DPY19L4: variants seen among roughly 807,000 people sequenced by gnomAD.
DPY19L4 encodes the protein dpy-19 like 4.
A neutral mutation model predicts 102.8 loss-of-function variants in DPY19L4; 97 were observed. That is an observed-to-expected ratio of 0.94 (90% CI 0.80 to 1.12). The LOEUF is 1.12. Among genes scored for constraint, DPY19L4 ranks in the 50% most tolerant of loss-of-function variants. The pLI, the probability that DPY19L4 is intolerant of heterozygous loss-of-function variation, is 0.00. For synonymous variants in DPY19L4, 252 were observed against 283.1 expected (o/e 0.89, Z 1.10); for missense variants, 815 against 850.4 (o/e 0.96, Z 0.52).
intron 3 of DPY19L4, among the ~76,000 whole-genome samples, chr8:94,735,224 C>A (rs947199375): frequency 5.9e-5 from 9 of 152,204 alleles, no homozygotes; most frequent in African/African-American, 2.2e-4. Context: ...TCCACAGATT[C>A]TTCAGTCACT....
At chr8:94,744,374 T>C (rs1811579411) in intron 6 of DPY19L4, 1 of 456,584 alleles carries the variant, frequency 2.2e-6, no homozygotes, top group Admixed American at 2.3e-5. Flanking sequence ...TGGTCTCCCT[T>C]ACAGTGAATG....
chr8:94,724,040 T>A (rs537734579), intron 1 of DPY19L4, among the ~76,000 whole-genome samples: 1 of 152,316 alleles, frequency 6.6e-6, no homozygotes, highest in East Asian at 1.9e-4. Flanking sequence ...TAAAGTCCTG[T>A]AAAGCGATTT....
intron 6 of DPY19L4, among the ~76,000 whole-genome samples, chr8:94,752,447 A>G (rs112893502): frequency 0.14 from 21,022 of 150,964 alleles, 1,575 homozygotes; most frequent in Non-Finnish European, 0.17. Context: ...TTATCCGGAC[A>G]TGGTGGCACG....
At position 94,761,748 on chromosome 8, in the gene DPY19L4, A is replaced by G; in HGVS notation, c.784A>G (p.Met262Val). ...MSASTYTFMM[M>V]WEYSHYLLFL... is the part of the protein sequence containing the mutation. The stretch of plus-strand genomic sequence containing the variant: ...TGCTTCAACTTACACATTTATGATG[A>G]TGTGGGAGTATAGCCACTATCTCCT... The change falls in exon 8 of 19, where the codon ATG (methionine) becomes GTG (valine). Residue 262 changes from methionine (M) to valine (V), a missense_variant. Physicochemically the swap from Met to Val is conservative, Grantham distance 21 (BLOSUM62 1). Transcript: ENST00000414645. 6.2e-7 allele frequency: 1 copy of G among 1,611,692 alleles called. No homozygotes were observed. The highest frequency in any genetic ancestry group is 1.1e-5 in the South Asian group (1 of 90,420).
chr8:94,763,299 A>AT (rs1260215439), intron 8 of DPY19L4, among the ~76,000 whole-genome samples: 27 of 89,086 alleles, frequency 3.0e-4, no homozygotes, highest in Non-Finnish European at 4.5e-4. Flanking sequence ...CTATTGACTG[A>AT]TTTTTTTTCT....
intron 7 of DPY19L4, 55 bp downstream of exon 7, chr8:94,756,214 TG>T (rs2130862872): frequency 6.3e-7 from 1 of 1,582,158 alleles, no homozygotes; most frequent in South Asian, 1.2e-5. Context: ...ATTGCAAATG[TG>T]GCACATAATA....
At chr8:94,722,420 A>G (rs995949971) in intron 1 of DPY19L4, among the ~76,000 whole-genome samples, 3 of 152,208 alleles carry the variant, frequency 2.0e-5, no homozygotes, top group African/African-American at 7.2e-5. Context: ...AATAAAATAA[A>G]TAAAATGATA....
intron 17 of DPY19L4, among the ~76,000 whole-genome samples, chr8:94,784,772 G>A (rs1813585645): frequency 1.3e-5 from 2 of 152,090 alleles, no homozygotes; most frequent in South Asian, 2.1e-4. Context: ...TAATGTCTTG[G>A]TACTACATTT....
intron 6 of DPY19L4, among the ~76,000 whole-genome samples, chr8:94,741,956 C>T (rs779631416): frequency 1.4e-4 from 22 of 152,174 alleles, no homozygotes; most frequent in Non-Finnish European, 2.2e-4. Context: ...CAGAAAGTGC[C>T]TGTTACAGGA....
In DPY19L4 at chr8:94,765,229, A is replaced by G; in HGVS notation, c.917A>G (p.Tyr306Cys). 6.2e-7 allele frequency: 1 copy of G among 1,603,198 alleles called. No individual in the cohort carries two copies. Among genetic ancestry groups the G allele is most frequent in the South Asian group, 1.1e-5 (1 of 88,510 alleles). Residue 306 changes from tyrosine (Y) to cysteine (C), a missense_variant, in exon 9 of 19, where the codon TAT becomes TGT. Transcript: ENST00000414645. Reference protein sequence around the residue: ...KIYIFSLFLGYLLQFENPALL... With the variant: ...KIYIFSLFLGCLLQFENPALL... ...TACATATTTTCCCTCTTTCTGGGAT[A>G]TTTACTACAGTTTGAGAATCCAGCT... is the stretch of plus-strand genomic sequence containing the variant.
intron 13 of DPY19L4, among the ~76,000 whole-genome samples, chr8:94,771,240 A>G (rs1341664270): frequency 6.6e-6 from 1 of 152,228 alleles, no homozygotes; most frequent in East Asian, 1.9e-4. Flanking sequence ...AATGGTAATA[A>G]GTAGATACAT....
At chr8:94,775,317 A>G (rs894531051) in intron 13 of DPY19L4, among the ~76,000 whole-genome samples, 2 of 151,942 alleles carry the variant, frequency 1.3e-5, no homozygotes, top group African/African-American at 2.4e-5. Context: ...GATTACAGGC[A>G]TGTGCCACCA....
At chr8:94,730,517 G>A (rs548295114) in intron 2 of DPY19L4, among the ~76,000 whole-genome samples, 3 of 151,482 alleles carry the variant, frequency 2.0e-5, no homozygotes, top group Admixed American at 2.0e-4. Context: ...AGGCTGAGGT[G>A]GGGGGATCAC....
At chr8:94,762,589 A>G (rs938475952) in intron 8 of DPY19L4, among the ~76,000 whole-genome samples, 1 of 152,134 alleles carries the variant, frequency 6.6e-6, no homozygotes, top group African/African-American at 2.4e-5. Context: ...CATCTGTAGA[A>G]CCAGAGCCCA....
At chr8:94,783,923 A>G in intron 17 of DPY19L4, 121 bp downstream of exon 17, 1 of 1,111,828 alleles carries the variant, frequency 9.0e-7, no homozygotes, top group Non-Finnish European at 1.2e-6. Context: ...AGAAGAGTTA[A>G]TTAACTTCCA....
chr8:94,740,492 T>C (rs529748130), intron 6 of DPY19L4, among the ~76,000 whole-genome samples: 2 of 152,322 alleles, frequency 1.3e-5, no homozygotes, highest in South Asian at 4.1e-4. Flanking sequence ...TCTTGCCCTG[T>C]CACCTAGGCT....
At chr8:94,764,689 G>GTGTGTGTGTATATATATATA (rs1415377058) in intron 8 of DPY19L4, among the ~76,000 whole-genome samples, 1 of 43,212 alleles carries the variant, frequency 2.3e-5, no homozygotes, top group African/African-American at 1.1e-4. Flanking sequence ...GTCTGTGTGT[G>GTGTGTGTGTATATATATATA]TATATATATA....
chr8:94,756,245 A>G, intron 7 of DPY19L4, 86 bp downstream of exon 7: 2 of 1,526,934 alleles, frequency 1.3e-6, no homozygotes, highest in Non-Finnish European at 1.8e-6. Flanking sequence ...TTTTAGTCCT[A>G]GTAAGAATTA....
At position 94,764,712 on chromosome 8, in the gene DPY19L4, T is replaced by C. The variant is rs1207252124; in HGVS notation, c.871-471T>C. Among the ~76,000 whole-genome samples, 2 of 76,236 alleles carry C rather than the reference T, an allele frequency of 2.6e-5. 1 individual carries two copies. Among genetic ancestry groups the C allele is most frequent in the Admixed American group, 2.8e-4 (2 of 7,160 alleles). 50.0% of individuals were successfully genotyped at this position (76,236 alleles called of 152,430 possible). A position where few individuals can be genotyped will look rare whatever the true frequency, so the allele number is the denominator to read the frequency against. On this transcript the variant is annotated intron_variant, in intron 8 of 18. Coordinates refer to ENST00000414645, the MANE Select transcript of DPY19L4 (RefSeq NM_181787.3). Reference sequence around the variant, plus strand: ...GTGTATATATATATATATATATATATATATATTTTTTTTTTTTTTTTTTTT... The same window carrying C: ...GTGTATATATATATATATATATATACATATATTTTTTTTTTTTTTTTTTTT...
Sources: gnomAD v4.1 joint callset for allele counts (sites outside exome capture counted in the v4.1 genomes callset) on GRCh38, gnomAD v4.1.1 for gene constraint, MANE v1.5 for transcripts, NCBI Gene and HGNC (gene_info 2026-07-23, HGNC 2026-07-21) for gene names.